ZFX: variants seen among roughly 807,000 people sequenced by gnomAD.
ZFX encodes zinc finger X-chromosomal protein.
For synonymous variants in ZFX, 196 were observed against 226.8 expected, an observed-to-expected ratio of 0.86 and a Z score of 1.22; for missense variants, 362 against 628.3, an observed-to-expected ratio of 0.58 and a Z score of 4.53.
intron 5 of ZFX, among the ~76,000 whole-genome samples, chrX:24,180,098 G>A (rs1284634969): frequency 4.5e-5 from 5 of 109,895 alleles, no homozygotes; most frequent in South Asian, 4.0e-4. Flanking sequence ...CGGGTGTGGT[G>A]GTGGGCGCCT....
At chrX:24,187,337 GT>G (rs1936203991) in intron 5 of ZFX, among the ~76,000 whole-genome samples, 1 of 111,376 alleles carries the variant, frequency 9.0e-6, no homozygotes. Flanking sequence ...CTCTCTCTGT[GT>G]TTGTATGTTT....
intron 4 of ZFX, among the ~76,000 whole-genome samples, chrX:24,176,615 A>G (rs1385837974): frequency 9.2e-6 from 1 of 108,432 alleles, no homozygotes; most frequent in Non-Finnish European, 1.9e-5. Context: ...TATTTTTAGT[A>G]GAGACGGGGT....
chrX:24,196,902 G>GTTT (rs1936962634), intron 5 of ZFX, among the ~76,000 whole-genome samples: 1 of 111,538 alleles, frequency 9.0e-6, no homozygotes, highest in Non-Finnish European at 1.9e-5. Flanking sequence ...GCTGTAGGTT[G>GTTT]GTTTGTTTGT....
At position 24,214,086 on chromosome X, in the gene ZFX, A is replaced by C. The variant is rs1938302564; in HGVS notation, c.*2710A>C. The C allele has an allele frequency of 8.9e-6, 1 of 111,998 alleles. No individual in the cohort carries two copies. The highest frequency in any genetic ancestry group is 9.5e-5 in the Admixed American group (1 of 10,526). The allele number at this position is 111,998 out of a possible 1,213,427, so 9.2% of individuals were successfully genotyped here. A position where few individuals can be genotyped will look rare whatever the true frequency, so the allele number is the denominator to read the frequency against. ...AACATACTTGTCTGTATAAAGAGAA[A>C]ATGAAATTGTAGTCACTGTTATGTA... On this transcript the variant is annotated 3_prime_UTR_variant, in exon 10 of 10. Coordinates refer to ENST00000304543, the MANE Select transcript of ZFX (RefSeq NM_003410.4).
chrX:24,156,676 A>G lies in ZFX; in HGVS notation c.-29+3846A>G, dbSNP rs754277208. On this transcript the variant is annotated intron_variant, in intron 3 of 9. Transcript: ENST00000304543. ...AATAATAGCCTTTTTTTTTTTGGAG[A>G]CGGAGTTTTGCTCTGTCGCCCAGGC... Among the ~76,000 whole-genome samples the G allele has an allele frequency of 8.6e-5, 3 of 34,910 alleles. No homozygotes were observed. The East Asian group carries it at 3.7e-3, about 43-fold the overall frequency. 30.3% of individuals were successfully genotyped at this position (34,910 alleles called of 115,157 possible).
chrX:24,209,002 A>G lies in ZFX; in HGVS notation c.1196A>G (p.Lys399Arg). Reference protein sequence around the residue: ...GLGRLAKQKPKKRRRPDSRQY... With the variant: ...GLGRLAKQKPRKRRRPDSRQY... ...GGCAGACTGGCTAAACAAAAACCAA[A>G]GAAAAGGAGAAGACCTGATTCCAGG... The change falls in exon 9 of 10, where the codon AAG becomes AGG. Residue 399 changes from lysine (K) to arginine (R), a missense_variant. Lys to Arg is a conservative substitution (Grantham distance 26). Transcript: ENST00000304543. The G allele has an allele frequency of 8.3e-6, 10 of 1,211,735 alleles. No individual in the cohort carries two copies. Among genetic ancestry groups the G allele is most frequent in the Non-Finnish European group, 1.1e-5 (10 of 895,557 alleles).
Position 24,179,414 on chromosome X carries a change from T to C in ZFX, c.290T>C (p.Val97Ala). 4 of 1,212,294 alleles carry C rather than the reference T, an allele frequency of 3.3e-6. No homozygotes were observed. The highest frequency in any genetic ancestry group is 3.3e-6 in the Non-Finnish European group (3 of 895,657). Residue 97 changes from valine (V) to alanine (A), a missense_variant, in exon 5 of 10, where the codon GTG (valine) becomes GCG (alanine). Physicochemically the swap from Val to Ala is moderately conservative, Grantham distance 64. Coordinates refer to ENST00000304543, the MANE Select transcript of ZFX (RefSeq NM_003410.4). ...GAAACGGTCATCATTCCTGAGCAAG[T>C]GCTGGACTCAGATGTAACTGAAGAA... Reference protein sequence around the residue: ...VSETVIIPEQVLDSDVTEEVS... With the variant: ...VSETVIIPEQALDSDVTEEVS...
rs751130377 is a variant in ZFX at position 24,208,396 on chromosome X, T to C, written c.1093+26T>C. Reference sequence around the variant, plus strand: ...GTAAGTTGCCCAGCAGCTCTTAGCATTGAAGAAGTTGGTTCTTAAACATGA... The same window carrying C: ...GTAAGTTGCCCAGCAGCTCTTAGCACTGAAGAAGTTGGTTCTTAAACATGA... On this transcript the variant is annotated intron_variant, in intron 8 of 9. Transcript: ENST00000304543. 3 of 1,196,077 alleles carry C rather than the reference T, an allele frequency of 2.5e-6. No individual in the cohort carries two copies. The East Asian group carries it at 8.9e-5, about 36-fold the overall frequency.
At chrX:24,166,563 G>A (rs746823909) in intron 3 of ZFX, among the ~76,000 whole-genome samples, 1 of 111,915 alleles carries the variant, frequency 8.9e-6, no homozygotes, top group Non-Finnish European at 1.9e-5. Context: ...GATCTGTTAA[G>A]TGTTGATAGT....
chrX:24,166,578 G>T (rs1194486754), intron 3 of ZFX, among the ~76,000 whole-genome samples: 2 of 111,524 alleles, frequency 1.8e-5, no homozygotes, highest in East Asian at 5.6e-4. Flanking sequence ...GATAGTTGTT[G>T]TAACCTTCCA....
chrX:24,184,990 A>T (rs997850540), intron 5 of ZFX, among the ~76,000 whole-genome samples: 1 of 111,398 alleles, frequency 9.0e-6, no homozygotes, highest in Non-Finnish European at 1.9e-5. Context: ...TCGCTCCCTT[A>T]CCCAGGCTGG....
chrX:24,188,295 C>G (rs776734547), intron 5 of ZFX, among the ~76,000 whole-genome samples: 1 of 110,866 alleles, frequency 9.0e-6, no homozygotes, highest in South Asian at 3.8e-4. Flanking sequence ...TATTTTATCT[C>G]CTATTCATTT....
At chrX:24,166,863 C>T (rs1324535740) in intron 3 of ZFX, among the ~76,000 whole-genome samples, 7 of 111,597 alleles carry the variant, frequency 6.3e-5, no homozygotes, top group Admixed American at 2.9e-4. Context: ...AATGTCAAAA[C>T]CCAAGAGAGC....
chrX:24,208,093 A>AT (rs1341506868), intron 7 of ZFX, 125 bp from the exon 8 acceptor site: 5 of 917,495 alleles, frequency 5.4e-6, no homozygotes, highest in Non-Finnish European at 1.5e-6. Context: ...CGTGAAAGCT[A>AT]TGTTCTAGGT....
At chrX:24,206,195 C>T (rs1331251844) in intron 5 of ZFX, among the ~76,000 whole-genome samples, 1 of 112,201 alleles carries the variant, frequency 8.9e-6, no homozygotes, top group Non-Finnish European at 1.9e-5. Context: ...TGACCAATCT[C>T]ATTGTGGTGT....
intron 5 of ZFX, among the ~76,000 whole-genome samples, chrX:24,204,488 A>C (rs1027842032): frequency 8.9e-6 from 1 of 112,273 alleles, no homozygotes; most frequent in African/African-American, 3.2e-5. Flanking sequence ...TGTAAATTAC[A>C]CAAGGGATGA....
intron 3 of ZFX, among the ~76,000 whole-genome samples, chrX:24,154,942 A>G (rs557054821): frequency 1.7e-3 from 186 of 111,170 alleles, no homozygotes; most frequent in Middle Eastern, 9.2e-3. Flanking sequence ...TGATGAACAC[A>G]AAGAAGGAAA....
chrX:24,160,154 T>C (rs945254039), intron 3 of ZFX, among the ~76,000 whole-genome samples: 1 of 110,430 alleles, frequency 9.1e-6, no homozygotes, highest in South Asian at 3.8e-4. Flanking sequence ...TTCCTTCTGC[T>C]TTATTTGCAT....
rs1468679072 is a variant in ZFX at position 24,206,467 on chromosome X, G to C, written c.647-859G>C. On this transcript the variant is annotated intron_variant, in intron 5 of 9. Transcript: ENST00000304543. ...TCCTCCCACCTCAGCCTCCTGAGTA[G>C]CTGGGACTACAGGCGCATGCCACCA... is the stretch of plus-strand genomic sequence containing the variant. Among the ~76,000 whole-genome samples the C allele has an allele frequency of 4.7e-5, 5 of 106,282 alleles. No homozygotes were observed. The East Asian group carries it at 8.8e-4, about 19-fold the overall frequency. The allele number at this position is 106,282 out of a possible 115,157, so 92.3% of individuals were successfully genotyped here.
Sources: gnomAD v4.1 joint callset for allele counts (sites outside exome capture counted in the v4.1 genomes callset) on GRCh38, gnomAD v4.1.1 for gene constraint, MANE v1.5 for transcripts, NCBI Gene and HGNC (gene_info 2026-07-23, HGNC 2026-07-21) for gene names.